The following RSRC1 variants were observed in gnomAD, a reference collection of about 807,000 sequenced individuals.
RSRC1 encodes arginine and serine rich coiled-coil 1.
RSRC1 carries 39 observed loss-of-function variants against 49.1 expected under a neutral mutation model. The ratio of observed to expected loss-of-function variants is 0.79; its 90% CI spans 0.61 to 1.04. The LOEUF is 1.04. RSRC1 is among the 50% of genes least tolerant of loss of function. The probability of loss-of-function intolerance (pLI) is 0.00; values close to 1 mark genes in which losing one functional copy is unlikely to be tolerated. For synonymous variants in RSRC1, 143 were observed against 130.8 expected, an observed-to-expected ratio of 1.09 and a Z score of -0.63; for missense variants, 388 against 402.4, an observed-to-expected ratio of 0.96 and a Z score of 0.31.
intron 4 of RSRC1, among the ~76,000 whole-genome samples, chr3:158,205,167 C>T (rs1444274163): frequency 6.6e-6 from 1 of 152,108 alleles, no homozygotes; most frequent in Non-Finnish European, 1.5e-5. Flanking sequence ...GCACTGGGGA[C>T]TGATGCCAAA....
chr3:158,360,665 T>TA (rs1731416431), intron 6 of RSRC1, among the ~76,000 whole-genome samples: 2 of 152,166 alleles, frequency 1.3e-5, no homozygotes, highest in Admixed American at 6.5e-5. Context: ...AGTGTGCACA[T>TA]ACCTGGCGGG....
At position 158,206,320 on chromosome 3, in the gene RSRC1, A is replaced by T. The variant is rs142432966; in HGVS notation, c.494+3075A>T. Among the ~76,000 whole-genome samples, 8 of 152,276 alleles carry T rather than the reference A, an allele frequency of 5.3e-5. No individual in the cohort carries two copies. In the East Asian group the frequency reaches 9.7e-4, roughly 18 times the overall value. The stretch of plus-strand genomic sequence containing the variant: ...CTCTGTGTCAGGGAAGGGCTCTCAG[A>T]TGAAGTGATTTTACATATTGAAGTA... On this transcript the variant is annotated intron_variant, in intron 4 of 9. Coordinates refer to ENST00000611884, the MANE Select transcript of RSRC1 (RefSeq NM_001271838.2).
At position 158,494,973 on chromosome 3, in the gene RSRC1, A is replaced by T. The variant is rs180988684; in HGVS notation, c.652+33970A>T. On this transcript the variant is annotated intron_variant, in intron 7 of 9. Coordinates refer to ENST00000611884, the MANE Select transcript of RSRC1 (RefSeq NM_001271838.2). ...ACATAAACCAGTAACATAGTCATTTATCAGCAAGTATTATGTGCTCTACAT... is the reference window on the plus strand; with the variant it reads ...ACATAAACCAGTAACATAGTCATTTTTCAGCAAGTATTATGTGCTCTACAT... Among the ~76,000 whole-genome samples, 5 of 152,362 alleles carry T rather than the reference A, an allele frequency of 3.3e-5. No homozygotes were observed. The East Asian group carries it at 9.6e-4, about 29-fold the overall frequency.
intron 7 of RSRC1, among the ~76,000 whole-genome samples, chr3:158,505,284 C>G (rs1338462148): frequency 6.6e-6 from 1 of 152,104 alleles, no homozygotes; most frequent in African/African-American, 2.4e-5. Context: ...ATCCTTTCAC[C>G]TAGTTGGAAG....
chr3:158,361,465 C>T (rs527442342), intron 6 of RSRC1, among the ~76,000 whole-genome samples: 36 of 152,256 alleles, frequency 2.4e-4, no homozygotes, highest in African/African-American at 7.2e-4. Flanking sequence ...CTTGGGGACA[C>T]GGGACACAGG....
Position 158,455,136 on chromosome 3 carries a change from G to T in RSRC1, c.584-5799G>T, listed in dbSNP as rs533067530. Reference sequence around the variant, plus strand: ...CATTCCTAGAACTTTTTCCATGTTTGTATAGTCATCTGAACGTGATTGGGC... The same window carrying T: ...CATTCCTAGAACTTTTTCCATGTTTTTATAGTCATCTGAACGTGATTGGGC... On this transcript the variant is annotated intron_variant, in intron 6 of 9. Coordinates refer to ENST00000611884, the MANE Select transcript of RSRC1 (RefSeq NM_001271838.2). Among the ~76,000 whole-genome samples the T allele has an allele frequency of 2.2e-4, 34 of 152,210 alleles. No individual in the cohort carries two copies. In the South Asian group the frequency reaches 3.1e-3, roughly 14 times the overall value.
chr3:158,518,365 T>G (rs1043553936), intron 7 of RSRC1, among the ~76,000 whole-genome samples: 1 of 142,992 alleles, frequency 7.0e-6, no homozygotes, highest in Non-Finnish European at 1.5e-5. Context: ...GAGTATAGTG[T>G]TTATAAAAGA....
chr3:158,396,678 G>C (rs910187716), intron 6 of RSRC1, among the ~76,000 whole-genome samples: 11 of 152,144 alleles, frequency 7.2e-5, no homozygotes, highest in African/African-American at 2.4e-4. Flanking sequence ...GGTATGAGTA[G>C]GATAGTAAAA....
At chr3:158,429,471 A>G (rs1309653250) in intron 6 of RSRC1, among the ~76,000 whole-genome samples, 3 of 140,218 alleles carry the variant, frequency 2.1e-5, no homozygotes, top group Admixed American at 7.4e-5. Context: ...TATATAGTCT[A>G]TGAAAAGTAA....
At chr3:158,278,988 A>G (rs746096349) in intron 4 of RSRC1, among the ~76,000 whole-genome samples, 2 of 152,208 alleles carry the variant, frequency 1.3e-5, no homozygotes, top group Middle Eastern at 3.2e-3. Context: ...ATGCCATTGT[A>G]TAATAAGCAC....
At chr3:158,406,535 C>A (rs1051528890) in intron 6 of RSRC1, among the ~76,000 whole-genome samples, 1 of 151,944 alleles carries the variant, frequency 6.6e-6, no homozygotes, top group African/African-American at 2.4e-5. Context: ...ATTAAAATAA[C>A]CTGGTACCCT....
At chr3:158,523,386 C>A (rs1013910086) in intron 7 of RSRC1, among the ~76,000 whole-genome samples, 2 of 151,904 alleles carry the variant, frequency 1.3e-5, no homozygotes, top group African/African-American at 2.4e-5. Context: ...TGTTTTAAGA[C>A]TTACTGTATA....
intron 7 of RSRC1, among the ~76,000 whole-genome samples, chr3:158,464,506 G>A (rs1227770237): frequency 6.6e-6 from 1 of 152,098 alleles, no homozygotes; most frequent in Non-Finnish European, 1.5e-5. Context: ...TCATGGGAAT[G>A]GTGGACAGTG....
chr3:158,128,771 A>G (rs1300748229), intron 3 of RSRC1, among the ~76,000 whole-genome samples: 1 of 152,148 alleles, frequency 6.6e-6, no homozygotes, highest in African/African-American at 2.4e-5. Context: ...CCTCCAGTCT[A>G]CGAGAGTTCC....
chr3:158,149,487 A>G (rs1409003464), intron 3 of RSRC1, among the ~76,000 whole-genome samples: 2 of 152,216 alleles, frequency 1.3e-5, no homozygotes, highest in Non-Finnish European at 2.9e-5. Flanking sequence ...TGGGAATGGC[A>G]TGCTTGTTGC....
At chr3:158,221,218 G>A (rs537062619) in intron 4 of RSRC1, among the ~76,000 whole-genome samples, 9 of 151,522 alleles carry the variant, frequency 5.9e-5, no homozygotes, top group Non-Finnish European at 1.0e-4. Flanking sequence ...ATAATAAATA[G>A]CAAGAAGAAA....
intron 5 of RSRC1, among the ~76,000 whole-genome samples, chr3:158,321,417 T>C (rs1728753447): frequency 1.3e-5 from 2 of 152,106 alleles, no homozygotes; most frequent in Non-Finnish European, 1.5e-5. Context: ...AGTTATGGTA[T>C]ATTTTGCGTG....
intron 3 of RSRC1, among the ~76,000 whole-genome samples, chr3:158,163,273 T>A (rs564559197): frequency 2.0e-4 from 31 of 152,074 alleles, no homozygotes; most frequent in Admixed American, 2.0e-3. Context: ...CCCAAAATGC[T>A]GGCATTACTG....
At chr3:158,230,577 A>G (rs1019741194) in intron 4 of RSRC1, among the ~76,000 whole-genome samples, 2 of 152,176 alleles carry the variant, frequency 1.3e-5, no homozygotes, top group African/African-American at 4.8e-5. Flanking sequence ...ATTCTGCTAC[A>G]GCAATTTTAG....
Sources: allele counts gnomAD v4.1 joint callset (sites outside exome capture counted in the v4.1 genomes callset), GRCh38; gene constraint gnomAD v4.1.1; transcripts MANE v1.5; gene names NCBI Gene and HGNC (gene_info 2026-07-23, HGNC 2026-07-21).